The following RABGAP1L variants were observed in gnomAD, a reference collection of about 807,000 sequenced individuals.
RABGAP1L encodes rab GTPase-activating protein 1-like.
RABGAP1L carries 63 observed loss-of-function variants against 137.7 expected under a neutral mutation model. That is an observed-to-expected ratio of 0.46 (90% CI 0.37 to 0.56). The LOEUF (loss-of-function observed/expected upper bound fraction) is 0.56, where lower values mean the gene tolerates loss of function less well. Ranked by LOEUF, RABGAP1L falls within the 20% of genes least tolerant of loss-of-function variation. RABGAP1L has a pLI of 0.00. For synonymous variants in RABGAP1L, 431 were observed against 433.7 expected (o/e 0.99, Z 0.08); for missense variants, 1,095 against 1,244.0 (o/e 0.88, Z 1.80).
At chr1:174,682,317 TAC>T (rs531495515) in intron 14 of RABGAP1L, among the ~76,000 whole-genome samples, 73 of 148,348 alleles carry the variant, frequency 4.9e-4, no homozygotes, top group East Asian at 9.9e-4. Flanking sequence ...TATATATATA[TAC>T]ACACACACAC....
At chr1:174,549,769 G>A (rs1666288938) in intron 13 of RABGAP1L, among the ~76,000 whole-genome samples, 1 of 152,188 alleles carries the variant, frequency 6.6e-6, no homozygotes, top group South Asian at 2.1e-4. Flanking sequence ...ATACCAGTCT[G>A]AAACCCTTGA....
At position 174,340,784 on chromosome 1, in the gene RABGAP1L, A is replaced by T. The variant is rs1459563471; in HGVS notation, c.1466-30195A>T. ...ATGATTTATATTCTTTTGGGTATATACCCAGTAATGGGATTGCTGAGTCAC... is the reference window on the plus strand; with the variant it reads ...ATGATTTATATTCTTTTGGGTATATTCCCAGTAATGGGATTGCTGAGTCAC... On this transcript the variant is annotated intron_variant, in intron 11 of 25. Coordinates refer to ENST00000681986, the MANE Select transcript of RABGAP1L (RefSeq NM_001366446.1). Among the ~76,000 whole-genome samples the T allele has an allele frequency of 2.0e-5, 3 of 152,204 alleles. 1 individual carries two copies. The highest frequency in any genetic ancestry group is 4.4e-5 in the Non-Finnish European group (3 of 68,044).
intron 17 of RABGAP1L, among the ~76,000 whole-genome samples, chr1:174,721,138 A>G (rs947346871): frequency 6.6e-6 from 1 of 152,182 alleles, no homozygotes; most frequent in Non-Finnish European, 1.5e-5. Flanking sequence ...GCTAAAGGAC[A>G]TGTGCTTTTT....
intron 11 of RABGAP1L, among the ~76,000 whole-genome samples, chr1:174,355,522 A>G (rs1487748093): frequency 2.6e-5 from 4 of 151,572 alleles, no homozygotes; most frequent in Non-Finnish European, 4.4e-5. Flanking sequence ...TAAATGACGA[A>G]TTAATGGGTG....
chr1:174,973,384 C>CT lies in RABGAP1L; in HGVS notation c.2545-2678dup, dbSNP rs1373728383. 4.3e-3 allele frequency among the ~76,000 whole-genome samples: 408 copies of CT among 94,024 alleles called. 1 individual carries two copies. The highest frequency in any genetic ancestry group is 7.9e-3 in the African/African-American group (237 of 29,864). The allele number at this position is 94,024 out of a possible 152,430, so 61.7% of individuals were successfully genotyped here. The stretch of plus-strand genomic sequence containing the variant: ...CTTTTCTTTTCTTTTTCTTTCATTT[C>CT]TTTTTTTTTTTTTTTTCTTTGAGAC... On this transcript the variant is annotated intron_variant, in intron 21 of 25. Transcript: ENST00000681986.
At chr1:174,257,650 G>C (rs923939431) in intron 7 of RABGAP1L, among the ~76,000 whole-genome samples, 1 of 152,112 alleles carries the variant, frequency 6.6e-6, no homozygotes, top group East Asian at 1.9e-4. Flanking sequence ...AGCACATTAT[G>C]TCAACTTCTG....
intron 1 of RABGAP1L, among the ~76,000 whole-genome samples, chr1:174,218,780 A>G (rs1669534872): frequency 6.6e-6 from 1 of 152,124 alleles, no homozygotes; most frequent in Non-Finnish European, 1.5e-5. Flanking sequence ...TTCTAGTATC[A>G]TTTAATTATT....
In RABGAP1L at chr1:174,305,018, T is replaced by C. The variant is rs777370281; in HGVS notation, c.1356T>C (p.Asp452=). 1 of 1,561,400 alleles carries C rather than the reference T, an allele frequency of 6.4e-7. No homozygotes were observed. Among genetic ancestry groups the C allele is most frequent in the African/African-American group, 1.4e-5 (1 of 71,514 alleles). Residue 452 remains aspartate, a synonymous_variant, in exon 11 of 26, where the codon GAT becomes GAC. Transcript: ENST00000681986. Reference sequence around the variant, plus strand: ...GAAAAGGCCATACCAATGCTGGAGATGCAATATATGAGGTGGTGAGTCTAC... The same window carrying C: ...GAAAAGGCCATACCAATGCTGGAGACGCAATATATGAGGTGGTGAGTCTAC... The part of the protein sequence containing the change: ...SEGKGHTNAG[D]AIYEVVSLQR...
At chr1:174,239,660 G>T (rs1053179277) in intron 4 of RABGAP1L, among the ~76,000 whole-genome samples, 7 of 151,874 alleles carry the variant, frequency 4.6e-5, no homozygotes, top group Admixed American at 1.3e-4. Context: ...TTATAAGCTT[G>T]TGAGAATAGT....
At chr1:174,280,968 C>T (rs113335582) in intron 10 of RABGAP1L, among the ~76,000 whole-genome samples, 2,461 of 151,962 alleles carry the variant, frequency 0.016, 68 homozygotes, top group African/African-American at 0.057. Context: ...AGAGTGAAGC[C>T]GCAGACCTTT....
intron 15 of RABGAP1L, among the ~76,000 whole-genome samples, chr1:174,691,135 T>G (rs1678850606): frequency 6.6e-6 from 1 of 152,146 alleles, no homozygotes; most frequent in Non-Finnish European, 1.5e-5. Flanking sequence ...GCCCATTCAT[T>G]TTTGTTGAAG....
At chr1:174,920,992 G>A (rs993785955) in intron 19 of RABGAP1L, among the ~76,000 whole-genome samples, 3 of 152,152 alleles carry the variant, frequency 2.0e-5, no homozygotes, top group African/African-American at 2.4e-5. Context: ...GAGCGATCTT[G>A]GCTCACTGCA....
intron 8 of RABGAP1L, among the ~76,000 whole-genome samples, chr1:174,273,762 A>C (rs1674746733): frequency 6.6e-6 from 1 of 152,058 alleles, no homozygotes; most frequent in Admixed American, 6.6e-5. Flanking sequence ...ATAAAACCTA[A>C]ATTCAGATTA....
At position 174,308,001 on chromosome 1, in the gene RABGAP1L, C is replaced by T. The variant is rs796753591; in HGVS notation, c.1465+2874C>T. On this transcript the variant is annotated intron_variant, in intron 11 of 25. Coordinates refer to ENST00000681986, the MANE Select transcript of RABGAP1L (RefSeq NM_001366446.1). ...CTTACTTTTGCTTTTTGGTAATAGC[C>T]GTTTTAATGGGTGTGAGATGATATC... 4.6e-5 allele frequency among the ~76,000 whole-genome samples: 7 copies of T among 151,912 alleles called. No homozygotes were observed. The South Asian group carries it at 8.3e-4, about 18-fold the overall frequency.
intron 19 of RABGAP1L, among the ~76,000 whole-genome samples, chr1:174,924,105 C>T (rs1662275051): frequency 6.6e-6 from 1 of 151,900 alleles, no homozygotes; most frequent in Non-Finnish European, 1.5e-5. Flanking sequence ...ATACAAAGTA[C>T]TGACTGGGCA....
chr1:174,667,304 A>T (rs1676860652), intron 14 of RABGAP1L, among the ~76,000 whole-genome samples: 1 of 152,170 alleles, frequency 6.6e-6, no homozygotes, highest in Non-Finnish European at 1.5e-5. Flanking sequence ...ATCTCCATGG[A>T]CACAAACACA....
intron 20 of RABGAP1L, among the ~76,000 whole-genome samples, chr1:174,965,166 G>A (rs544200402): frequency 3.6e-4 from 55 of 152,304 alleles, no homozygotes; most frequent in Admixed American, 1.6e-3. Flanking sequence ...TGTCAGTTGT[G>A]TGAGATGGGG....
At chr1:174,623,891 T>C (rs1672739251) in intron 13 of RABGAP1L, among the ~76,000 whole-genome samples, 1 of 152,186 alleles carries the variant, frequency 6.6e-6, no homozygotes, top group Admixed American at 6.6e-5. Context: ...GCCAAACTTC[T>C]CTTTGAGTAA....
chr1:174,371,534 A>G (rs1685111127), intron 12 of RABGAP1L, among the ~76,000 whole-genome samples: 1 of 152,142 alleles, frequency 6.6e-6, no homozygotes, highest in South Asian at 2.1e-4. Context: ...TCTGACTAAA[A>G]GTATTACTTT....
Sources: allele counts gnomAD v4.1 joint callset (sites outside exome capture counted in the v4.1 genomes callset), GRCh38; gene constraint gnomAD v4.1.1; transcripts MANE v1.5; gene names NCBI Gene and HGNC (gene_info 2026-07-23, HGNC 2026-07-21).